Variants in PKIA observed in about 807,000 individuals in gnomAD.
PKIA encodes cAMP-dependent protein kinase inhibitor alpha.
PKIA carries 4 observed loss-of-function variants against 7.6 expected under a neutral mutation model. The observed-to-expected ratio is 0.52, with a 90% CI of 0.26 to 1.20. The LOEUF is 1.20. Ranked by LOEUF, PKIA falls within the 50% of genes most tolerant of loss-of-function variation. The probability of loss-of-function intolerance (pLI) is 0.13; values close to 1 mark genes in which losing one functional copy is unlikely to be tolerated. For synonymous variants in PKIA, 21 were observed against 30.7 expected (o/e 0.68, Z 1.04); for missense variants, 73 against 86.2 (o/e 0.85, Z 0.61).
At chr8:78,549,166 A>G (rs1806913574) in intron 1 of PKIA, among the ~76,000 whole-genome samples, 1 of 152,076 alleles carries the variant, frequency 6.6e-6, no homozygotes, top group South Asian at 2.1e-4. Flanking sequence ...ATATTTTTAA[A>G]AACTGTCCAA....
chr8:78,591,585 G>A (rs1808095769), intron 2 of PKIA, among the ~76,000 whole-genome samples: 1 of 152,052 alleles, frequency 6.6e-6, no homozygotes, highest in African/African-American at 2.4e-5. Flanking sequence ...TAGATGTCAG[G>A]TTTTAGAGAT....
intron 1 of PKIA, among the ~76,000 whole-genome samples, chr8:78,518,698 G>T (rs149096329): frequency 6.6e-4 from 100 of 152,322 alleles, no homozygotes; most frequent in African/African-American, 2.3e-3. Flanking sequence ...AATAGGTTCA[G>T]GATTAGGAGA....
rs1230186791 is a variant in PKIA, at chr8:78,516,483, A to C, written c.-157+15A>C. The stretch of plus-strand genomic sequence containing the variant: ...GTCCGGGGAAGGTAAGCAGCCCGGC[A>C]CCGGTGCGCCCTGGCCGCACTGCGT... On this transcript the variant is annotated intron_variant, in intron 1 of 3. Transcript: ENST00000396418. 1 of 152,318 alleles carries C rather than the reference A, an allele frequency of 6.6e-6. No homozygotes were observed. The highest frequency in any genetic ancestry group is 1.5e-5 in the Non-Finnish European group (1 of 68,136). 9.4% of individuals were successfully genotyped at this position (152,318 alleles called of 1,614,324 possible).
chr8:78,572,645 C>G (rs1429194410), intron 1 of PKIA, among the ~76,000 whole-genome samples, 166 bp from the exon 2 acceptor site: 1 of 151,938 alleles, frequency 6.6e-6, no homozygotes, highest in African/African-American at 2.4e-5. Context: ...TCAACCTATA[C>G]TCTCATCACG....
chr8:78,557,096 C>T (rs981159328), intron 1 of PKIA, among the ~76,000 whole-genome samples: 3 of 152,114 alleles, frequency 2.0e-5, no homozygotes, highest in African/African-American at 7.2e-5. Flanking sequence ...AAGCCCATCT[C>T]ACCAACTTCA....
intron 2 of PKIA, among the ~76,000 whole-genome samples, chr8:78,589,910 C>T (rs1371157330): frequency 6.6e-6 from 1 of 152,094 alleles, no homozygotes; most frequent in East Asian, 1.9e-4. Context: ...AGAGCTGAGC[C>T]AGACATTATT....
At chr8:78,585,190 T>C (rs116343998) in intron 2 of PKIA, among the ~76,000 whole-genome samples, 2,011 of 152,070 alleles carry the variant, frequency 0.013, 42 homozygotes, top group African/African-American at 0.047. Flanking sequence ...GATAATCTCA[T>C]TTTGAAATGT....
In PKIA at chr8:78,558,434, G is replaced by T. The variant is rs188821295; in HGVS notation, c.-156-14377G>T. ...CTTAATTGGACTTACAATTCTACAT[G>T]GCTGGGGAGGCCTCAGAATCATGGT... On this transcript the variant is annotated intron_variant, in intron 1 of 3. Transcript: ENST00000396418. 660 of 155,936 alleles carry T rather than the reference G, an allele frequency of 4.2e-3. 9 individuals are homozygous for T. Among genetic ancestry groups the T allele is most frequent in the African/African-American group, 0.015 (640 of 41,596 alleles). The allele number at this position is 155,936 out of a possible 1,614,324, so 9.7% of individuals were successfully genotyped here. A position where few individuals can be genotyped will look rare whatever the true frequency, so the allele number is the denominator to read the frequency against.
chr8:78,593,564 A>G (rs1428657399), intron 2 of PKIA, among the ~76,000 whole-genome samples: 1 of 152,206 alleles, frequency 6.6e-6, no homozygotes, highest in East Asian at 1.9e-4. Flanking sequence ...TCAGTTCTAA[A>G]CCTTTGAAGT....
At chr8:78,553,089 G>GA (rs200519145) in intron 1 of PKIA, among the ~76,000 whole-genome samples, 2,917 of 121,620 alleles carry the variant, frequency 0.024, 46 homozygotes, top group Middle Eastern at 0.058. Flanking sequence ...CCATTTGCAG[G>GA]AAAAAAAAAA....
At chr8:78,578,871 T>A (rs895427190) in intron 2 of PKIA, among the ~76,000 whole-genome samples, 7 of 152,076 alleles carry the variant, frequency 4.6e-5, no homozygotes, top group African/African-American at 1.4e-4. Context: ...TTCATACCTC[T>A]AGCCTTCACC....
At chr8:78,572,557 A>T (rs1432769658) in intron 1 of PKIA, among the ~76,000 whole-genome samples, 1 of 151,690 alleles carries the variant, frequency 6.6e-6, no homozygotes, top group Non-Finnish European at 1.5e-5. Context: ...ACACACACAC[A>T]CACACACACA....
chr8:78,528,275 A>G (rs376792979), intron 1 of PKIA, among the ~76,000 whole-genome samples: 4 of 152,066 alleles, frequency 2.6e-5, no homozygotes, highest in East Asian at 3.9e-4. Context: ...CTTTTAAAAA[A>G]CAGCCATTTG....
At chr8:78,550,372 G>A (rs139552413) in intron 1 of PKIA, among the ~76,000 whole-genome samples, 366 of 152,146 alleles carry the variant, frequency 2.4e-3, no homozygotes, top group Middle Eastern at 0.014. Context: ...ACATTCTTGG[G>A]TTGTAAAATA....
At chr8:78,566,252 A>C (rs1807409699) in intron 1 of PKIA, among the ~76,000 whole-genome samples, 1 of 152,106 alleles carries the variant, frequency 6.6e-6, no homozygotes, top group Non-Finnish European at 1.5e-5. Flanking sequence ...TAGTCATATT[A>C]AGATACAAAG....
chr8:78,560,200 G>A (rs552787342), intron 1 of PKIA, among the ~76,000 whole-genome samples: 1 of 152,246 alleles, frequency 6.6e-6, no homozygotes, highest in African/African-American at 2.4e-5. Flanking sequence ...AGACAAAACA[G>A]TGCTTCCTTC....
At chr8:78,535,778 G>C (rs1388441743) in intron 1 of PKIA, 1 of 152,122 alleles carries the variant, frequency 6.6e-6, no homozygotes, top group Non-Finnish European at 1.5e-5. Flanking sequence ...AAATAATAGA[G>C]TATAACAACT....
At chr8:78,541,641 C>T (rs940513765) in intron 1 of PKIA, among the ~76,000 whole-genome samples, 2 of 151,938 alleles carry the variant, frequency 1.3e-5, no homozygotes, top group African/African-American at 4.8e-5. Flanking sequence ...ACTTAATGTG[C>T]ACTACTGTTC....
intron 1 of PKIA, among the ~76,000 whole-genome samples, chr8:78,561,891 T>C (rs2118518659): frequency 6.6e-6 from 1 of 152,314 alleles, no homozygotes; most frequent in East Asian, 1.9e-4. Context: ...CTATTATTAA[T>C]TATCCTCTTT....
Sources: gnomAD v4.1 joint callset for allele counts (sites outside exome capture counted in the v4.1 genomes callset) on GRCh38, gnomAD v4.1.1 for gene constraint, MANE v1.5 for transcripts, NCBI Gene and HGNC (gene_info 2026-07-23, HGNC 2026-07-21) for gene names.